Variants in EYS observed in about 807,000 individuals in gnomAD.
EYS encodes EGF-like photoreceptor maintenance factor, also known as protein eyes shut homolog.
EYS carries 250 observed loss-of-function variants against 282.1 expected under a neutral mutation model. The ratio of observed to expected loss-of-function variants is 0.89; its 90% CI spans 0.80 to 0.98. EYS has a LOEUF of 0.98. Ranked by LOEUF, EYS falls within the 50% of genes least tolerant of loss-of-function variation. EYS has a pLI of 0.00. For missense variants in EYS, 4,016 were observed against 3,709.0 expected, an observed-to-expected ratio of 1.08 and a Z score of -2.15; for synonymous variants, 1,355 against 1,282.9, an observed-to-expected ratio of 1.06 and a Z score of -1.20.
At chr6:65,160,119 G>A (rs1764818752) in intron 12 of EYS, among the ~76,000 whole-genome samples, 1 of 150,218 alleles carries the variant, frequency 6.7e-6, no homozygotes, top group Admixed American at 6.7e-5. Flanking sequence ...CGTTTTTTTT[G>A]TTTGTTTTCT....
intron 5 of EYS, among the ~76,000 whole-genome samples, chr6:65,477,929 C>G (rs1316702593): frequency 6.6e-6 from 1 of 152,104 alleles, no homozygotes; most frequent in African/African-American, 2.4e-5. Flanking sequence ...TTGTGTCATA[C>G]CTATTTTCAA....
intron 5 of EYS, among the ~76,000 whole-genome samples, chr6:65,488,105 T>C (rs948926986): frequency 1.3e-5 from 2 of 152,294 alleles, no homozygotes; most frequent in East Asian, 1.9e-4. Flanking sequence ...ATCTATTTTG[T>C]TGATCTTTTC....
intron 34 of EYS, among the ~76,000 whole-genome samples, chr6:63,997,333 G>A (rs921994364): frequency 2.0e-5 from 3 of 152,166 alleles, no homozygotes; most frequent in African/African-American, 7.2e-5. Context: ...GTAATATACC[G>A]TAACTCTGGG....
intron 28 of EYS, among the ~76,000 whole-genome samples, chr6:64,420,387 A>C (rs1229047342): frequency 6.6e-6 from 1 of 151,972 alleles, no homozygotes; most frequent in Non-Finnish European, 1.5e-5. Flanking sequence ...CATGCCCTGG[A>C]GATATTTTCC....
At chr6:64,820,815 G>C (rs1764876048) in intron 21 of EYS, among the ~76,000 whole-genome samples, 1 of 152,008 alleles carries the variant, frequency 6.6e-6, no homozygotes, top group Non-Finnish European at 1.5e-5. Context: ...CTCTGGAAGG[G>C]CCACTTACTG....
At chr6:65,240,113 C>T (rs1024662934) in intron 12 of EYS, among the ~76,000 whole-genome samples, 6 of 151,760 alleles carry the variant, frequency 4.0e-5, no homozygotes, top group Admixed American at 1.3e-4. Context: ...GGACTACAGG[C>T]GCCCACCACC....
At chr6:63,874,555 G>T (rs1428149764) in intron 35 of EYS, among the ~76,000 whole-genome samples, 1 of 152,210 alleles carries the variant, frequency 6.6e-6, no homozygotes, top group South Asian at 2.1e-4. Context: ...AGTTTGATGG[G>T]GATGTCATTG....
At chr6:64,917,105 C>T (rs1768189699) in intron 15 of EYS, among the ~76,000 whole-genome samples, 1 of 152,092 alleles carries the variant, frequency 6.6e-6, no homozygotes, top group Non-Finnish European at 1.5e-5. Context: ...AAAAATTACC[C>T]AGGCGTGGCA....
At chr6:63,874,211 A>T (rs1401628641) in intron 35 of EYS, among the ~76,000 whole-genome samples, 1 of 152,198 alleles carries the variant, frequency 6.6e-6, no homozygotes, top group Admixed American at 6.5e-5. Flanking sequence ...CTTTCTACAT[A>T]TGGCTAGCCA....
rs1319112172 is a variant in EYS, at chr6:64,822,820, T to C, written c.2995A>G (p.Ile999Val). ...NCLCAPGYTG[I>V]NCEINLDECL... ...TCATCTAGATTTATTTCACAGTTGATGCCTGTGTTGGAACAGACAAGGCAA... is the reference window on the plus strand; with the variant it reads ...TCATCTAGATTTATTTCACAGTTGACGCCTGTGTTGGAACAGACAAGGCAA... Residue 999 changes from isoleucine (I) to valine (V), a missense_variant and splice_region_variant, in exon 20 of 43, where the codon ATC (isoleucine) becomes GTC (valine). Transcript: ENST00000503581. 5 of 1,548,134 alleles carry C rather than the reference T, an allele frequency of 3.2e-6. No homozygotes were observed. In the South Asian group the frequency reaches 6.0e-5, roughly 19 times the overall value.
At chr6:65,487,413 CT>C (rs1186387271) in intron 5 of EYS, among the ~76,000 whole-genome samples, 1 of 152,160 alleles carries the variant, frequency 6.6e-6, no homozygotes, top group Non-Finnish European at 1.5e-5. Context: ...AAGGCCTTTT[CT>C]GCATCTATTG....
intron 8 of EYS, among the ~76,000 whole-genome samples, chr6:65,374,818 G>A (rs757848875): frequency 2.0e-4 from 30 of 152,148 alleles, no homozygotes; most frequent in Non-Finnish European, 1.6e-4. Context: ...GCTATAGCCA[G>A]ACTGCCTTGC....
intron 28 of EYS, among the ~76,000 whole-genome samples, chr6:64,414,327 G>A (rs531383635): frequency 4.9e-4 from 75 of 152,196 alleles, no homozygotes; most frequent in African/African-American, 1.8e-3. Flanking sequence ...AATGGTTCAC[G>A]TTTTGTGTAT....
chr6:64,095,137 G>A lies in EYS; in HGVS notation c.6425-13135C>T, dbSNP rs543402389. 2.2e-3 allele frequency among the ~76,000 whole-genome samples: 331 copies of A among 152,180 alleles called. 2 individuals carry two copies. The highest frequency in any genetic ancestry group is 6.7e-3 in the African/African-American group (279 of 41,514). ...TGAGAGACAGTTTGTTATAATTTCTGTTCTTTTACATTTGCTGAGGAGTGC... is the reference window on the plus strand; with the variant it reads ...TGAGAGACAGTTTGTTATAATTTCTATTCTTTTACATTTGCTGAGGAGTGC... On this transcript the variant is annotated intron_variant, in intron 31 of 42. Coordinates refer to ENST00000503581, the MANE Select transcript of EYS (RefSeq NM_001142800.2).
intron 5 of EYS, among the ~76,000 whole-genome samples, chr6:65,416,822 T>A (rs1484666432): frequency 6.6e-6 from 1 of 151,956 alleles, no homozygotes; most frequent in African/African-American, 2.4e-5. Context: ...CATCACCAAG[T>A]AGGATGATAA....
At chr6:63,786,314 G>A (rs1201004604) in intron 39 of EYS, 1 of 151,632 alleles carries the variant, frequency 6.6e-6, no homozygotes, top group East Asian at 1.9e-4. Context: ...TAATTCTAAG[G>A]ACAAATGTGA....
At chr6:64,501,050 A>G (rs1200811468) in intron 26 of EYS, among the ~76,000 whole-genome samples, 1 of 149,448 alleles carries the variant, frequency 6.7e-6, no homozygotes, top group Non-Finnish European at 1.5e-5. Context: ...TTTTTTTAAG[A>G]AACCTAGAAT....
intron 11 of EYS, among the ~76,000 whole-genome samples, chr6:65,302,072 C>T (rs1363023705): frequency 4.6e-5 from 7 of 152,310 alleles, no homozygotes; most frequent in Middle Eastern, 6.8e-3. Flanking sequence ...TCCTTTGACT[C>T]TCAAGTTCAT....
At chr6:65,675,910 A>G (rs1768570868) in intron 1 of EYS, among the ~76,000 whole-genome samples, 1 of 151,900 alleles carries the variant, frequency 6.6e-6, no homozygotes, top group African/African-American at 2.4e-5. Flanking sequence ...CTTGCACACA[A>G]CTGAATAAAA....
Sources: gnomAD v4.1 joint callset for allele counts (sites outside exome capture counted in the v4.1 genomes callset) on GRCh38, gnomAD v4.1.1 for gene constraint, MANE v1.5 for transcripts, NCBI Gene and HGNC (gene_info 2026-07-23, HGNC 2026-07-21) for gene names.